NCOA3: variants seen among roughly 807,000 people sequenced by gnomAD.
The protein encoded by NCOA3 is nuclear receptor coactivator 3.
Under a neutral mutation model 158.8 loss-of-function variants are expected in NCOA3, and 51 were observed. The ratio of observed to expected loss-of-function variants is 0.32; its 90% CI spans 0.26 to 0.41. The LOEUF is 0.41. Ranked by LOEUF, NCOA3 falls within the 10% of genes least tolerant of loss-of-function variation. NCOA3 has a pLI of 1.00. For missense variants in NCOA3, 1,510 were observed against 1,746.6 expected, an observed-to-expected ratio of 0.86 and a Z score of 2.41; for synonymous variants, 537 against 592.4, an observed-to-expected ratio of 0.91 and a Z score of 1.36.
intron 6 of NCOA3, 149 bp downstream of exon 6, chr20:47,627,325 C>T: frequency 1.4e-6 from 1 of 735,456 alleles, no homozygotes; most frequent in Non-Finnish European, 2.2e-6. Flanking sequence ...CATATGGAGT[C>T]AGTGAATTAA....
intron 1 of NCOA3, among the ~76,000 whole-genome samples, chr20:47,522,929 C>A (rs2084368872): frequency 6.6e-6 from 1 of 151,306 alleles, no homozygotes; most frequent in Non-Finnish European, 1.5e-5. Flanking sequence ...GGTGGCTCAC[C>A]CCTGTAATGC....
rs12273 is a variant in NCOA3 at position 47,655,658 on chromosome 20, G to A, written c.*2241G>A. On this transcript the variant is annotated 3_prime_UTR_variant, in exon 23 of 23. Coordinates refer to ENST00000371998, the MANE Select transcript of NCOA3 (RefSeq NM_181659.3). ...CTGTTTGGAGACAGAGGAAGAACCA[G>A]GTCAGTCTGTCTCTTTTTCAGCTCA... 20,020 of 152,396 alleles carry A rather than the reference G, an allele frequency of 0.13. 1,824 individuals carry two copies. Among genetic ancestry groups the A allele is most frequent in the African/African-American group, 0.25 (10,262 of 41,380 alleles). The allele number at this position is 152,396 out of a possible 1,614,324, so 9.4% of individuals were successfully genotyped here.
Position 47,627,446 on chromosome 20 carries a change from A to G in NCOA3, c.533-115A>G, listed in dbSNP as rs1018925566. On this transcript the variant is annotated intron_variant, in intron 6 of 22. Coordinates refer to ENST00000371998, the MANE Select transcript of NCOA3 (RefSeq NM_181659.3). ...TATATTGCCAGCCTGAAATGTTAGT[A>G]TAGATATAACTATGGAAAACATGCA... 3 of 826,808 alleles carry G rather than the reference A, an allele frequency of 3.6e-6. No homozygotes were observed. The African/African-American group carries it at 5.2e-5, about 14-fold the overall frequency. The allele number at this position is 826,808 out of a possible 1,614,324, so 51.2% of individuals were successfully genotyped here. A position where few individuals can be genotyped will look rare whatever the true frequency, so the allele number is the denominator to read the frequency against.
chr20:47,554,527 A>G (rs911170372), intron 1 of NCOA3, among the ~76,000 whole-genome samples: 7 of 144,420 alleles, frequency 4.8e-5, no homozygotes, highest in African/African-American at 1.9e-4. Context: ...TACAAAATCA[A>G]TGTGCAAAAA....
rs934025746 is a variant in NCOA3 at position 47,627,316 on chromosome 20, A to T, written c.532+140A>T. The T allele has an allele frequency of 2.1e-5, 16 of 755,874 alleles. No individual in the cohort carries two copies. The East Asian group carries it at 4.3e-4, about 20-fold the overall frequency. The allele number at this position is 755,874 out of a possible 1,614,324, so 46.8% of individuals were successfully genotyped here. A position where few individuals can be genotyped will look rare whatever the true frequency, so the allele number is the denominator to read the frequency against. On this transcript the variant is annotated intron_variant, in intron 6 of 22. Coordinates refer to ENST00000371998, the MANE Select transcript of NCOA3 (RefSeq NM_181659.3). ...TGTGATTTAATAGCAGAATTTTCAC[A>T]TATGGAGTCAGTGAATTAAAAATTT...
intron 12 of NCOA3, 139 bp downstream of exon 12, chr20:47,636,901 A>G: frequency 1.3e-6 from 1 of 796,242 alleles, no homozygotes; most frequent in South Asian, 2.3e-5. Flanking sequence ...ATTATTTTGG[A>G]TGTCAGTAAA....
chr20:47,564,082 T>C (rs1344255009), intron 1 of NCOA3, among the ~76,000 whole-genome samples: 1 of 151,134 alleles, frequency 6.6e-6, no homozygotes, highest in African/African-American at 2.4e-5. Context: ...ATTGCTTGAG[T>C]CTGCCTGAGG....
chr20:47,635,639 A>G lies in NCOA3; in HGVS notation c.1430A>G (p.Gln477Arg), dbSNP rs1602521585. 1.2e-6 allele frequency: 2 copies of G among 1,614,244 alleles called. No homozygotes were observed. Among genetic ancestry groups the G allele is most frequent in the Non-Finnish European group, 1.7e-6 (2 of 1,180,040 alleles). ...GGGAGTCCTGGTCTTGCCCCAAACC[A>G]GCAGAATATCATGATTTCTCCTCGT... Reference protein sequence around the residue: ...PHGSPGLAPNQQNIMISPRNR... With the variant: ...PHGSPGLAPNRQNIMISPRNR... The change falls in exon 11 of 23, where the codon CAG (glutamine) becomes CGG (arginine). Residue 477 changes from glutamine (Q) to arginine (R), a missense_variant. Physicochemically the swap from Gln to Arg is conservative, Grantham distance 43. This residue lies in a region of NCOA3 where 1,017 missense variants were observed against 1,098.3 expected (regional missense o/e 0.93). Transcript: ENST00000371998.
At chr20:47,638,242 T>G (rs902299469) in intron 13 of NCOA3, among the ~76,000 whole-genome samples, 4 of 152,186 alleles carry the variant, frequency 2.6e-5, no homozygotes, top group Non-Finnish European at 1.5e-5. Context: ...GTGTGTTGAC[T>G]TCATCAATTT....
intron 2 of NCOA3, among the ~76,000 whole-genome samples, chr20:47,616,682 A>G (rs2086144848): frequency 6.6e-6 from 1 of 152,156 alleles, no homozygotes; most frequent in South Asian, 2.1e-4. Context: ...ATAAAATGAG[A>G]AGTTCTTCCT....
chr20:47,550,024 T>A (rs2084904222), intron 1 of NCOA3, among the ~76,000 whole-genome samples: 1 of 152,174 alleles, frequency 6.6e-6, no homozygotes, highest in Admixed American at 6.5e-5. Flanking sequence ...CTTTTTAAGT[T>A]GGCCTGAGAA....
At chr20:47,511,269 T>TG (rs149901273) in intron 1 of NCOA3, among the ~76,000 whole-genome samples, 9,122 of 146,302 alleles carry the variant, frequency 0.062, 395 homozygotes, top group Middle Eastern at 0.097. Context: ...TTTTTTGAGA[T>TG]GGGGGTCTCA....
At chr20:47,644,162 C>T (rs537806824) in intron 17 of NCOA3, among the ~76,000 whole-genome samples, 5 of 148,572 alleles carry the variant, frequency 3.4e-5, no homozygotes, top group South Asian at 4.2e-4. Flanking sequence ...TTTTTTGAGA[C>T]GGAGTCTCGC....
At chr20:47,543,437 A>G (rs1658777610) in intron 1 of NCOA3, among the ~76,000 whole-genome samples, 1 of 151,946 alleles carries the variant, frequency 6.6e-6, no homozygotes, top group South Asian at 2.1e-4. Context: ...AAGACACATG[A>G]CGTCTGTTTT....
At chr20:47,502,205 C>T (rs911071660) in intron 1 of NCOA3, among the ~76,000 whole-genome samples, 186 bp downstream of exon 1, 6 of 152,130 alleles carry the variant, frequency 3.9e-5, no homozygotes, top group Non-Finnish European at 7.4e-5. Flanking sequence ...CGCTTCCCCT[C>T]AGCCCGGGGG....
intron 2 of NCOA3, among the ~76,000 whole-genome samples, chr20:47,620,960 A>G (rs1423936427): frequency 6.6e-6 from 1 of 152,238 alleles, no homozygotes; most frequent in Non-Finnish European, 1.5e-5. Context: ...TGAAAATACA[A>G]TACCCCTGAG....
chr20:47,653,300 G>T (rs1032645105), intron 22 of NCOA3, 106 bp from the exon 23 acceptor site: 2 of 1,387,884 alleles, frequency 1.4e-6, no homozygotes, highest in African/African-American at 2.9e-5. Context: ...CACTCAGCCA[G>T]AGCTGCACTG....
chr20:47,647,438 A>G (rs564609075), intron 18 of NCOA3, 72 bp downstream of exon 18: 1 of 1,398,972 alleles, frequency 7.1e-7, no homozygotes, highest in South Asian at 1.3e-5. Flanking sequence ...CAGTGTTCTT[A>G]CCACTGGTGC....
chr20:47,595,562 T>C (rs2085739722), intron 2 of NCOA3, among the ~76,000 whole-genome samples: 1 of 152,230 alleles, frequency 6.6e-6, no homozygotes, highest in Non-Finnish European at 1.5e-5. Context: ...TGATTTATTA[T>C]TGGAAGTCCA....
Sources: allele counts gnomAD v4.1 joint callset (sites outside exome capture counted in the v4.1 genomes callset), GRCh38; gene constraint gnomAD v4.1.1; regional missense constraint gnomAD v4.1.1; transcripts MANE v1.5; gene names NCBI Gene and HGNC (gene_info 2026-07-23, HGNC 2026-07-21).